The following CNBD1 variants were observed in gnomAD, a reference collection of about 807,000 sequenced individuals.
The protein encoded by CNBD1 is cyclic nucleotide-binding domain-containing protein 1.
CNBD1 carries 71 observed loss-of-function variants against 54.4 expected under a neutral mutation model. The observed-to-expected ratio is 1.30, with a 90% CI of 1.08 to 1.59. The LOEUF (loss-of-function observed/expected upper bound fraction) is 1.59. Among genes scored for constraint, CNBD1 ranks in the 40% most tolerant of loss-of-function variants. The pLI, the probability that CNBD1 is intolerant of heterozygous loss-of-function variation, is 0.00. For synonymous variants in CNBD1, 182 were observed against 170.7 expected (o/e 1.07, Z -0.51); for missense variants, 659 against 518.0 (o/e 1.27, Z -2.64).
intron 10 of CNBD1, among the ~76,000 whole-genome samples, chr8:87,372,822 A>G (rs1267076405): frequency 3.3e-5 from 5 of 151,754 alleles, no homozygotes; most frequent in Admixed American, 1.3e-4. Context: ...TATGTAAACT[A>G]TGCTTCCTTT....
intron 6 of CNBD1, among the ~76,000 whole-genome samples, chr8:87,264,577 G>C (rs951489519): frequency 1.4e-4 from 22 of 152,136 alleles, no homozygotes; most frequent in Admixed American, 3.9e-4. Context: ...TCACCACACT[G>C]TCTTCCACAA....
chr8:87,374,001 G>A (rs1455783963), intron 10 of CNBD1, among the ~76,000 whole-genome samples: 4 of 151,650 alleles, frequency 2.6e-5, no homozygotes, highest in Non-Finnish European at 5.9e-5. Flanking sequence ...ACAGCTACTG[G>A]TAATTACAAC....
chr8:87,225,157 G>A, intron 5 of CNBD1, among the ~76,000 whole-genome samples: 1 of 149,704 alleles, frequency 6.7e-6, no homozygotes, highest in Non-Finnish European at 1.5e-5. Flanking sequence ...AGACAATGGG[G>A]TTTTCTAGAT....
chr8:86,953,159 A>G (rs1019170602), intron 4 of CNBD1, among the ~76,000 whole-genome samples: 1 of 152,210 alleles, frequency 6.6e-6, no homozygotes, highest in East Asian at 1.9e-4. Flanking sequence ...GCTATTATGA[A>G]TGAAGCTGCC....
intron 6 of CNBD1, among the ~76,000 whole-genome samples, chr8:87,249,504 T>C (rs1807871680): frequency 6.6e-6 from 1 of 152,118 alleles, no homozygotes; most frequent in Non-Finnish European, 1.5e-5. Context: ...TTCCACAAAA[T>C]GCACAGAAGG....
chr8:87,319,164 G>A (rs147840606), intron 8 of CNBD1, among the ~76,000 whole-genome samples: 83 of 152,196 alleles, frequency 5.5e-4, no homozygotes, highest in African/African-American at 2.0e-3. Context: ...TGATAATGTA[G>A]CACTTGATTT....
intron 8 of CNBD1, among the ~76,000 whole-genome samples, chr8:87,290,557 G>T (rs1337102993): frequency 6.6e-6 from 1 of 152,072 alleles, no homozygotes; most frequent in African/African-American, 2.4e-5. Context: ...ACCTTTAGTG[G>T]TACTTTTTGA....
At chr8:87,202,685 G>T (rs527584462) in intron 4 of CNBD1, among the ~76,000 whole-genome samples, 10 of 152,188 alleles carry the variant, frequency 6.6e-5, no homozygotes, top group Non-Finnish European at 1.3e-4. Context: ...GGGGGTTGGG[G>T]TGAGGTCTGG....
At chr8:87,110,645 G>A (rs1295579374) in intron 4 of CNBD1, among the ~76,000 whole-genome samples, 1 of 152,164 alleles carries the variant, frequency 6.6e-6, no homozygotes, top group African/African-American at 2.4e-5. Context: ...GGCATCCCGA[G>A]TACATGCCAC....
intron 6 of CNBD1, among the ~76,000 whole-genome samples, chr8:87,279,751 T>C (rs903414512): frequency 3.3e-5 from 5 of 151,102 alleles, no homozygotes; most frequent in African/African-American, 1.2e-4. Context: ...TAACTAAATA[T>C]GTGTAGTGAA....
At chr8:87,178,102 A>AAGGTGAAAAAATAATTCCT (rs1813234511) in intron 4 of CNBD1, among the ~76,000 whole-genome samples, 1 of 152,206 alleles carries the variant, frequency 6.6e-6, no homozygotes, top group Admixed American at 6.5e-5. Context: ...TTCAATAAAA[A>AAGGTGAAAAAATAATTCCT]TCTATTGAGC....
At chr8:87,231,300 A>G (rs981236448) in intron 5 of CNBD1, among the ~76,000 whole-genome samples, 28 of 152,322 alleles carry the variant, frequency 1.8e-4, no homozygotes, top group African/African-American at 6.5e-4. Context: ...TTATTTTATC[A>G]TAATTGAAAC....
At chr8:87,096,393 C>T (rs1722781865) in intron 4 of CNBD1, among the ~76,000 whole-genome samples, 1 of 148,634 alleles carries the variant, frequency 6.7e-6, no homozygotes, top group South Asian at 2.1e-4. Flanking sequence ...ATCAGATTAG[C>T]ACCACCCCCA....
intron 6 of CNBD1, among the ~76,000 whole-genome samples, chr8:87,260,090 T>TA (rs760059164): frequency 1.3e-5 from 2 of 152,166 alleles, no homozygotes; most frequent in Non-Finnish European, 2.9e-5. Flanking sequence ...GAAAAAATCT[T>TA]AGCTACTGAG....
intron 5 of CNBD1, among the ~76,000 whole-genome samples, chr8:87,224,086 GTTGT>G (rs1346908456): frequency 6.6e-6 from 1 of 150,814 alleles, no homozygotes; most frequent in African/African-American, 2.5e-5. Context: ...TTTTGATGGG[GTTGT>G]TTGTTTTTTT....
chr8:86,939,092 G>A (rs755052564), intron 3 of CNBD1, among the ~76,000 whole-genome samples: 3 of 151,962 alleles, frequency 2.0e-5, no homozygotes, highest in Non-Finnish European at 4.4e-5. Flanking sequence ...TCATTTATTT[G>A]TACATCTCTT....
At chr8:87,402,377 G>A (rs985622003) in intron 2 of CNBD1, among the ~76,000 whole-genome samples, 3 of 152,020 alleles carry the variant, frequency 2.0e-5, no homozygotes, top group African/African-American at 7.2e-5. Context: ...TCACAAAAGA[G>A]CAGTAGTGAG....
intron 4 of CNBD1, among the ~76,000 whole-genome samples, chr8:87,204,886 A>G (rs1000175020): frequency 2.6e-5 from 4 of 152,194 alleles, no homozygotes; most frequent in Non-Finnish European, 5.9e-5. Flanking sequence ...ACAAATTTGT[A>G]AATGACATTA....
intron 8 of CNBD1, among the ~76,000 whole-genome samples, chr8:87,310,937 A>G (rs1033146499): frequency 8.5e-5 from 13 of 152,172 alleles, no homozygotes; most frequent in African/African-American, 2.9e-4. Context: ...TTCACCATAT[A>G]TAAAAATTAA....
Sources: gnomAD v4.1 joint callset for allele counts (sites outside exome capture counted in the v4.1 genomes callset) on GRCh38, gnomAD v4.1.1 for gene constraint, MANE v1.5 for transcripts, NCBI Gene and HGNC (gene_info 2026-07-23, HGNC 2026-07-21) for gene names.